SLC18A2: variants seen among roughly 807,000 people sequenced by gnomAD.
The protein encoded by SLC18A2 is synaptic vesicular amine transporter.
In SLC18A2, 33 loss-of-function variants were observed where a neutral mutation model predicts 59.2. That is an observed-to-expected ratio of 0.56 (90% CI 0.42 to 0.75). The LOEUF (loss-of-function observed/expected upper bound fraction) is 0.75. SLC18A2 is among the 30% of genes least tolerant of loss of function. The pLI is 0.00. For missense variants in SLC18A2, 569 were observed against 668.6 expected (o/e 0.85, Z 1.64); for synonymous variants, 228 against 253.5 (o/e 0.90, Z 0.95).
At chr10:117,276,687 A>G (rs936648672) in intron 15 of SLC18A2, among the ~76,000 whole-genome samples, 1 of 150,932 alleles carries the variant, frequency 6.6e-6, no homozygotes, top group Non-Finnish European at 1.5e-5. Flanking sequence ...AATGCAAACA[A>G]TGGAAACGGG....
chr10:117,246,567 T>C (rs979791443), intron 3 of SLC18A2, among the ~76,000 whole-genome samples: 29 of 152,234 alleles, frequency 1.9e-4, no homozygotes, highest in African/African-American at 6.5e-4. Context: ...AGCAAAATTG[T>C]AATCCCCAAC....
At chr10:117,272,436 G>T (rs1844438063) in intron 15 of SLC18A2, among the ~76,000 whole-genome samples, 1 of 152,188 alleles carries the variant, frequency 6.6e-6, no homozygotes, top group East Asian at 1.9e-4. Context: ...TTGGGGAAAT[G>T]AATGAGGTCA....
intron 10 of SLC18A2, among the ~76,000 whole-genome samples, chr10:117,260,586 A>C (rs1246729931): frequency 6.6e-6 from 1 of 152,250 alleles, no homozygotes; most frequent in Non-Finnish European, 1.5e-5. Context: ...GTGGAGAAAA[A>C]CTATAGATTC....
chr10:117,259,671 T>C (rs182862853), intron 10 of SLC18A2, among the ~76,000 whole-genome samples: 25 of 152,364 alleles, frequency 1.6e-4, no homozygotes, highest in African/African-American at 6.0e-4. Context: ...GCCACTGTTC[T>C]GTTGTCTTCT....
chr10:117,263,036 C>G lies in SLC18A2; in HGVS notation c.992-3697C>G, dbSNP rs571483867. Reference sequence around the variant, plus strand: ...CATCAGATTGCTGTGTGGGGCCTATCACCGGCGCCAGACGTTCACTCAACC... The same window carrying G: ...CATCAGATTGCTGTGTGGGGCCTATGACCGGCGCCAGACGTTCACTCAACC... On this transcript the variant is annotated intron_variant, in intron 10 of 15. Transcript: ENST00000644641. Among the ~76,000 whole-genome samples the G allele has an allele frequency of 1.2e-3, 182 of 152,314 alleles. 8 individuals carry two copies. In the South Asian group the frequency reaches 0.035, roughly 30 times the overall value.
rs780542106 is a variant in SLC18A2, at chr10:117,255,509, G to T, written c.821G>T (p.Arg274Leu). The T allele has an allele frequency of 1.9e-6, 3 of 1,614,034 alleles. No individual in the cohort carries two copies. Among genetic ancestry groups the T allele is most frequent in the Middle Eastern group, 1.7e-4 (1 of 6,052 alleles). ...CAGCTCTTTGTGCTCCAGCCGTCCC[G>T]GGTGCAGCCAGAGGTAAGCGGCTGG... ...AIQLFVLQPS[R>L]VQPESQKGTP... Residue 274 changes from arginine (R) to leucine (L), a missense_variant, in exon 8 of 16, where the codon CGG (arginine) becomes CTG (leucine). Arg to Leu is a moderately radical substitution (Grantham distance 102, BLOSUM62 -2). Transcript: ENST00000644641.
In SLC18A2 at chr10:117,270,092, T is replaced by C; in HGVS notation, c.1208T>C (p.Met403Thr). ...FAIGMVDSSMMPIMGYLVDLR... is the reference protein window; with the variant it reads ...FAIGMVDSSMTPIMGYLVDLR... ...TCAGGAATGGTGGATTCGTCAATGA[T>C]GCCTATCATGGGCTACCTCGTAGAC... Residue 403 changes from methionine (M) to threonine (T), a missense_variant, in exon 14 of 16, where the codon ATG becomes ACG. Coordinates refer to ENST00000644641, the MANE Select transcript of SLC18A2 (RefSeq NM_003054.6). 6.2e-7 allele frequency: 1 copy of C among 1,614,214 alleles called. No homozygotes were observed. Among genetic ancestry groups the C allele is most frequent in the Non-Finnish European group, 8.5e-7 (1 of 1,180,024 alleles).
At chr10:117,265,800 G>A (rs1377570349) in intron 10 of SLC18A2, among the ~76,000 whole-genome samples, 1 of 152,148 alleles carries the variant, frequency 6.6e-6, no homozygotes, top group Non-Finnish European at 1.5e-5. Flanking sequence ...AATAAAACTT[G>A]GATAGGAGGC....
intron 14 of SLC18A2, 59 bp downstream of exon 14, chr10:117,270,249 A>C: frequency 6.2e-7 from 1 of 1,613,078 alleles, no homozygotes; most frequent in South Asian, 1.1e-5. Flanking sequence ...GATAACGTCT[A>C]CTAAAATTGT....
chr10:117,250,713 G>A (rs7899301), intron 3 of SLC18A2, among the ~76,000 whole-genome samples: 14,841 of 152,184 alleles, frequency 0.098, 1,720 homozygotes, highest in African/African-American at 0.28. Context: ...ACCTCCCCGA[G>A]CCTCAGTGTT....
chr10:117,267,974 A>G (rs1483095242), intron 13 of SLC18A2: 2 of 416,856 alleles, frequency 4.8e-6, no homozygotes, highest in East Asian at 6.6e-5. Context: ...TTACAGAAGG[A>G]AACTGATGCT....
chr10:117,263,623 A>G (rs1403517865), intron 10 of SLC18A2, among the ~76,000 whole-genome samples: 1 of 152,124 alleles, frequency 6.6e-6, no homozygotes. Flanking sequence ...GGGTGGAGAA[A>G]GAATGATTTC....
At position 117,278,765 on chromosome 10, in the gene SLC18A2, C is replaced by T. The variant is rs780331554; in HGVS notation, c.*1499C>T. 11 of 152,138 alleles carry T rather than the reference C, an allele frequency of 7.2e-5. No individual in the cohort carries two copies. Among genetic ancestry groups the T allele is most frequent in the Non-Finnish European group, 1.3e-4 (9 of 68,020 alleles). The allele number at this position is 152,138 out of a possible 1,614,324, so 9.4% of individuals were successfully genotyped here. A position where few individuals can be genotyped will look rare whatever the true frequency, so the allele number is the denominator to read the frequency against. ...TTCATGAAGCTTTTCTGTGGGGCTT[C>T]GATTATTTCAAGTCTGGTTTCTAAG... On this transcript the variant is annotated 3_prime_UTR_variant, in exon 16 of 16. Coordinates refer to ENST00000644641, the MANE Select transcript of SLC18A2 (RefSeq NM_003054.6).
At chr10:117,266,391 G>A (rs755909640) in intron 10 of SLC18A2, among the ~76,000 whole-genome samples, 2 of 152,068 alleles carry the variant, frequency 1.3e-5, no homozygotes, top group African/African-American at 4.8e-5. Flanking sequence ...TACTTCTGTC[G>A]GATGAAATCA....
chr10:117,241,606 T>C, intron 1 of SLC18A2, 73 bp from the exon 2 acceptor site: 1 of 1,425,538 alleles, frequency 7.0e-7, no homozygotes, highest in East Asian at 3.0e-5. Flanking sequence ...GACCCGCCCT[T>C]CCGCGGCCTG....
At chr10:117,251,785 G>A (rs1016511330) in intron 3 of SLC18A2, among the ~76,000 whole-genome samples, 5 of 152,130 alleles carry the variant, frequency 3.3e-5, no homozygotes, top group African/African-American at 9.7e-5. Context: ...TGGCCCAGGC[G>A]AAATTAGTCT....
At position 117,244,562 on chromosome 10, in the gene SLC18A2, C is replaced by T. The variant is rs576341328; in HGVS notation, c.464+249C>T. On this transcript the variant is annotated intron_variant, in intron 3 of 15. Coordinates refer to ENST00000644641, the MANE Select transcript of SLC18A2 (RefSeq NM_003054.6). ...AAGACAGAATAAAGAGGACCTCTTC[C>T]ACCAAGTGGGAGGACTTTGGCCTGT... Among the ~76,000 whole-genome samples, 4 of 152,342 alleles carry T rather than the reference C, an allele frequency of 2.6e-5. No individual in the cohort carries two copies. In the South Asian group the frequency reaches 8.3e-4, roughly 32 times the overall value.
At chr10:117,275,558 T>A (rs943046622) in intron 15 of SLC18A2, among the ~76,000 whole-genome samples, 3 of 152,222 alleles carry the variant, frequency 2.0e-5, no homozygotes, top group African/African-American at 7.2e-5. Context: ...TCTGTGCTCA[T>A]CTAACTACCA....
rs751675923 is a variant in SLC18A2 at position 117,257,826 on chromosome 10, G to A, written c.925G>A (p.Ala309Thr). The A allele has an allele frequency of 1.9e-6, 3 of 1,610,728 alleles. No individual in the cohort carries two copies. The highest frequency in any genetic ancestry group is 2.2e-5 in the East Asian group (1 of 44,778). The change falls in exon 10 of 16, where the codon GCC becomes ACC. Residue 309 changes from alanine (A) to threonine (T), a missense_variant. Physicochemically the swap from Ala to Thr is moderately conservative, Grantham distance 58 (BLOSUM62 0). Transcript: ENST00000644641. ...CATCTGCTTTGCAAACATGGGCATC[G>A]CCATGCTGGAGCCAGCCCTGCCCAT... ...GSICFANMGI[A>T]MLEPALPIWM...
Sources: gnomAD v4.1 joint callset for allele counts (sites outside exome capture counted in the v4.1 genomes callset) on GRCh38, gnomAD v4.1.1 for gene constraint, MANE v1.5 for transcripts, NCBI Gene and HGNC (gene_info 2026-07-23, HGNC 2026-07-21) for gene names.